Variants in KAZN observed in about 807,000 individuals in gnomAD.
KAZN encodes kazrin, periplakin interacting protein.
Under a neutral mutation model 87.4 loss-of-function variants are expected in KAZN, and 40 were observed. The ratio of observed to expected loss-of-function variants is 0.46; its 90% CI spans 0.36 to 0.60. The LOEUF (loss-of-function observed/expected upper bound fraction) is 0.60. Ranked by LOEUF, KAZN falls within the 20% of genes least tolerant of loss-of-function variation. KAZN has a pLI of 0.00. For synonymous variants in KAZN, 466 were observed against 458.3 expected (o/e 1.02, Z -0.22); for missense variants, 898 against 1,073.9 (o/e 0.84, Z 2.29).
chr1:14,159,119 T>C (rs1179908156), intron 1 of KAZN, among the ~76,000 whole-genome samples: 2 of 152,154 alleles, frequency 1.3e-5, no homozygotes, highest in Non-Finnish European at 2.9e-5. Flanking sequence ...CTATGGCTTA[T>C]GTTTGCTCAA....
rs142393883 is a variant in KAZN at position 14,450,649 on chromosome 1, T to C, written c.250-148334T>C. Among the ~76,000 whole-genome samples, 50 of 152,124 alleles carry C rather than the reference T, an allele frequency of 3.3e-4. 1 individual carries two copies. The East Asian group carries it at 7.6e-3, about 23-fold the overall frequency. On this transcript the variant is annotated intron_variant, in intron 2 of 16. Transcript: ENST00000636203. The stretch of plus-strand genomic sequence containing the variant: ...GAGCTGCTGCATGGTAGTGCCATTG[T>C]GATATTGTGACGATGGTGGGGCGTG...
At chr1:14,375,211 A>G (rs1660799905) in intron 2 of KAZN, among the ~76,000 whole-genome samples, 1 of 152,224 alleles carries the variant, frequency 6.6e-6, no homozygotes, top group Non-Finnish European at 1.5e-5. Flanking sequence ...TATTAGTCAC[A>G]ATAGCATCAT....
chr1:14,942,494 T>C (rs994791808), intron 1 of KAZN, among the ~76,000 whole-genome samples: 3 of 152,204 alleles, frequency 2.0e-5, no homozygotes, highest in Non-Finnish European at 4.4e-5. Flanking sequence ...TGCACAACCT[T>C]CTGTTCTTTA....
intron 1 of KAZN, among the ~76,000 whole-genome samples, chr1:14,639,118 C>G (rs549508657): frequency 6.6e-6 from 1 of 152,318 alleles, no homozygotes; most frequent in East Asian, 1.9e-4. Context: ...TGTGGCTCCA[C>G]CTGCCAGAAA....
At chr1:14,781,637 A>G (rs1645352437) in intron 1 of KAZN, among the ~76,000 whole-genome samples, 1 of 152,226 alleles carries the variant, frequency 6.6e-6, no homozygotes, top group Non-Finnish European at 1.5e-5. Context: ...TTACTGACTT[A>G]GAGGCTAGTC....
rs1235159317 is a variant in KAZN, at chr1:14,820,283, T to C, written c.227-140401T>C. On this transcript the variant is annotated intron_variant, in intron 1 of 14. Coordinates refer to ENST00000376030, the MANE Select transcript of KAZN (RefSeq NM_201628.3). This position sits in a 1 kb window ranked among gnomAD's most constrained non-coding sequence, Gnocchi z 4.1. ...CTATTCAGCCTACTCTCCCTAACTG[T>C]TTCCCCGCAGAGGCTTCAGGGCTTT... 6.6e-6 allele frequency among the ~76,000 whole-genome samples: 1 copy of C among 152,172 alleles called. No homozygotes were observed. Among genetic ancestry groups the C allele is most frequent in the Non-Finnish European group, 1.5e-5 (1 of 68,028 alleles).
Position 15,112,513 on chromosome 1 carries a change from G to A in KAZN, c.2135G>A (p.Ser712Asn), listed in dbSNP as rs115755879. The change falls in exon 14 of 15, where the codon AGC becomes AAC. Residue 712 changes from serine to asparagine, a missense_variant. Physicochemically the swap from Ser to Asn is conservative, Grantham distance 46 (BLOSUM62 1). Coordinates refer to ENST00000376030, the MANE Select transcript of KAZN (RefSeq NM_201628.3). ...SVTRAGKEENSSGLKYKAGRL... is the reference protein window; with the variant it reads ...SVTRAGKEENNSGLKYKAGRL... ...ACGCGGGCAGGAAAGGAGGAGAACA[G>A]CAGCGGTCTCAAGTACAAGGCTGGC... 5,734 of 1,608,032 alleles carry A rather than the reference G, an allele frequency of 3.6e-3. 13 individuals are homozygous for A. Among genetic ancestry groups the A allele is most frequent in the Non-Finnish European group, 4.6e-3 (5,445 of 1,177,600 alleles).
At position 14,086,917 on chromosome 1, in the gene KAZN, A is replaced by C. The variant is rs138888216; in HGVS notation, c.92-93518A>C. On this transcript the variant is annotated intron_variant, in intron 1 of 16. Transcript: ENST00000636203. ...CTGTGTTGTTATGCAAATGCTACAC[A>C]GTCTTGATATCTTCAGCTTTATAAT... Among the ~76,000 whole-genome samples the C allele has an allele frequency of 6.5e-3, 993 of 152,346 alleles. 10 individuals are homozygous for C. In the South Asian group the frequency reaches 0.066, roughly 10 times the overall value.
chr1:14,807,832 A>T (rs1032553413), intron 1 of KAZN, among the ~76,000 whole-genome samples: 4 of 152,062 alleles, frequency 2.6e-5, no homozygotes, highest in African/African-American at 9.7e-5. Flanking sequence ...TCAGCCCCCA[A>T]ATTAGACCTA....
rs1180788979 is a variant in KAZN, at chr1:15,038,069, G to C, written c.555+3184G>C. On this transcript the variant is annotated intron_variant, in intron 3 of 14. Coordinates refer to ENST00000376030, the MANE Select transcript of KAZN (RefSeq NM_201628.3). ...GAGTTCAAGACCAGCCTGGACAACAGAGTGAGACCTCCATCTCTACAAAAA... is the reference window on the plus strand; with the variant it reads ...GAGTTCAAGACCAGCCTGGACAACACAGTGAGACCTCCATCTCTACAAAAA... Among the ~76,000 whole-genome samples, 5 of 152,096 alleles carry C rather than the reference G, an allele frequency of 3.3e-5. No homozygotes were observed. In the South Asian group the frequency reaches 8.3e-4, roughly 25 times the overall value.
chr1:14,000,992 C>T (rs898774960), intron 1 of KAZN, among the ~76,000 whole-genome samples: 51 of 151,796 alleles, frequency 3.4e-4, no homozygotes, highest in African/African-American at 1.1e-3. Flanking sequence ...CCGTTTTAGC[C>T]GGGATGGTCT....
At chr1:14,061,292 A>T (rs571714209) in intron 1 of KAZN, among the ~76,000 whole-genome samples, 3 of 152,124 alleles carry the variant, frequency 2.0e-5, no homozygotes, top group Non-Finnish European at 4.4e-5. Flanking sequence ...GGAGGTGTTG[A>T]GGAAGACTTT....
rs1044384866 is a variant in KAZN at position 14,474,304 on chromosome 1, T to C, written c.250-124679T>C. ...ATTTATGATAGGGGTAAACGTACTTTAAAAAAAAAAGTAGAACAGTGAACT... is the reference window on the plus strand; with the variant it reads ...ATTTATGATAGGGGTAAACGTACTTCAAAAAAAAAAGTAGAACAGTGAACT... On this transcript the variant is annotated intron_variant, in intron 2 of 16. Coordinates refer to the KAZN transcript ENST00000636203. Among the ~76,000 whole-genome samples the C allele has an allele frequency of 1.7e-4, 25 of 148,766 alleles. 1 individual carries two copies. The highest frequency in any genetic ancestry group is 1.5e-3 in the Admixed American group (23 of 14,914).
At chr1:13,928,726 A>G (rs1640381687) in intron 1 of KAZN, among the ~76,000 whole-genome samples, 5 of 152,220 alleles carry the variant, frequency 3.3e-5, no homozygotes, top group Admixed American at 3.3e-4. Context: ...GGGGAAAGAA[A>G]GAGTAACTTC....
intron 1 of KAZN, among the ~76,000 whole-genome samples, chr1:14,030,846 A>G (rs1180449541): frequency 6.6e-6 from 1 of 152,272 alleles, no homozygotes; most frequent in Admixed American, 6.5e-5. Flanking sequence ...TATAAGGGGG[A>G]ACTGCCTGTT....
In KAZN at chr1:14,773,031, C is replaced by T. The variant is rs1460242284; in HGVS notation, c.226+173808C>T. ...AATGGTATGAATGTCCACAGGCGGC[C>T]TCTTCATGGGGGTCTCAGGAAATGG... On this transcript the variant is annotated intron_variant, in intron 1 of 14. Coordinates refer to ENST00000376030, the MANE Select transcript of KAZN (RefSeq NM_201628.3). This position sits in a 1 kb window ranked among gnomAD's most constrained non-coding sequence, Gnocchi z 5.9. 6.6e-6 allele frequency among the ~76,000 whole-genome samples: 1 copy of T among 152,086 alleles called. No individual in the cohort carries two copies. Among genetic ancestry groups the T allele is most frequent in the Non-Finnish European group, 1.5e-5 (1 of 68,030 alleles).
At chr1:14,840,937 A>G (rs1647896771) in intron 1 of KAZN, among the ~76,000 whole-genome samples, 1 of 151,688 alleles carries the variant, frequency 6.6e-6, no homozygotes, top group African/African-American at 2.4e-5. Context: ...ATGATGAAGA[A>G]AGAGAGAGAG....
intron 1 of KAZN, among the ~76,000 whole-genome samples, chr1:13,918,415 C>G (rs777129352): frequency 1.3e-4 from 20 of 152,176 alleles, no homozygotes; most frequent in Non-Finnish European, 2.5e-4. Flanking sequence ...TGAGTTATTG[C>G]AGTCTCATGA....
At chr1:14,771,378 T>C (rs900396120) in intron 1 of KAZN, among the ~76,000 whole-genome samples, 22 of 152,106 alleles carry the variant, frequency 1.4e-4, no homozygotes, top group African/African-American at 3.9e-4. Context: ...ATTTCTAAGA[T>C]GACAAAAATA....
Sources: gnomAD v4.1 joint callset for allele counts (sites outside exome capture counted in the v4.1 genomes callset) on GRCh38, gnomAD v4.1.1 for gene constraint, Gnocchi (gnomAD v3.1) non-coding constraint, MANE v1.5 for transcripts, NCBI Gene and HGNC (gene_info 2026-07-23, HGNC 2026-07-21) for gene names.